The following ATOH8 variants were observed in gnomAD, a reference collection of about 807,000 sequenced individuals.
ATOH8 encodes the protein atonal bHLH transcription factor 8, also known as transcription factor ATOH8.
A neutral mutation model predicts 21.2 loss-of-function variants in ATOH8; 9 were observed. The observed-to-expected ratio is 0.42, with a 90% CI of 0.26 to 0.74. The LOEUF is 0.74. Ranked by LOEUF, ATOH8 falls within the 30% of genes least tolerant of loss-of-function variation. ATOH8 has a pLI of 0.24. For missense variants in ATOH8, 524 were observed against 470.9 expected (o/e 1.11, Z -1.04); for synonymous variants, 253 against 224.0 (o/e 1.13, Z -1.16).
At chr2:85,784,527 G>A (rs990960579) in intron 2 of ATOH8, among the ~76,000 whole-genome samples, 1 of 151,928 alleles carries the variant, frequency 6.6e-6, no homozygotes, top group African/African-American at 2.4e-5. Context: ...AAATAACAGA[G>A]TGAGACCCTG....
intron 1 of ATOH8, among the ~76,000 whole-genome samples, chr2:85,758,795 A>G (rs1488651346): frequency 6.6e-6 from 1 of 152,208 alleles, no homozygotes; most frequent in African/African-American, 2.4e-5. Flanking sequence ...GCCTCATGTG[A>G]AGGCCATGTG....
At chr2:85,774,461 C>T (rs1460025365) in intron 2 of ATOH8, 1 of 985,356 alleles carries the variant, frequency 1.0e-6, no homozygotes, top group African/African-American at 1.7e-5. Flanking sequence ...CCATGGGAAA[C>T]AACAAACCTT....
At chr2:85,777,896 G>T (rs571622271) in intron 2 of ATOH8, among the ~76,000 whole-genome samples, 1 of 152,190 alleles carries the variant, frequency 6.6e-6, no homozygotes, top group African/African-American at 2.4e-5. Context: ...CACAAATACC[G>T]AAGGGCGGCT....
At position 85,754,551 on chromosome 2, in the gene ATOH8, T is replaced by C. The variant is rs2104487674; in HGVS notation, c.362T>C (p.Leu121Pro). 2 of 1,436,960 alleles carry C rather than the reference T, an allele frequency of 1.4e-6. No individual in the cohort carries two copies. Among genetic ancestry groups the C allele is most frequent in the South Asian group, 1.5e-5 (1 of 68,650 alleles). 89.0% of individuals were successfully genotyped at this position (1,436,960 alleles called of 1,614,324 possible). ...GCCCTAGGCGCAGTGGGGCCAGGAC[T>C]CCCCACGCCGCCGCCGCCGCCGCCT... ...CFALGAVGPG[L>P]PTPPPPPPPA... Residue 121 changes from leucine (L) to proline (P), a missense_variant, in exon 1 of 3, where the codon CTC (leucine) becomes CCC (proline). Transcript: ENST00000306279.
At chr2:85,755,943 T>C (rs1679681000) in intron 1 of ATOH8, among the ~76,000 whole-genome samples, 1 of 151,658 alleles carries the variant, frequency 6.6e-6, no homozygotes, top group Non-Finnish European at 1.5e-5. Context: ...TGACTTGCTG[T>C]GTGACTCCAG....
intron 2 of ATOH8, among the ~76,000 whole-genome samples, chr2:85,776,817 C>T (rs577653215): frequency 6.6e-6 from 1 of 152,252 alleles, no homozygotes; most frequent in East Asian, 1.9e-4. Flanking sequence ...GGGAGTGAGC[C>T]GTTTGGAGCC....
rs1680687433 is a variant in ATOH8 at position 85,788,625 on chromosome 2, A to G, written c.*1735A>G. ...AAAAATAGGAGAGCACTGTCAAGGC[A>G]GAAGGGACAGGGCTGGCCAAGGAAA... On this transcript the variant is annotated 3_prime_UTR_variant, in exon 3 of 3. Transcript: ENST00000306279. 6.6e-6 allele frequency among the ~76,000 whole-genome samples: 1 copy of G among 152,194 alleles called. No homozygotes were observed. The highest frequency in any genetic ancestry group is 6.5e-5 in the Admixed American group (1 of 15,282).
rs79634679 is a variant in ATOH8 at position 85,756,311 on chromosome 2, G to A, written c.768+1354G>A. ...AGTCCCACCCTGAGCCAGCAGCTCT[G>A]TGTCTGCATCGCTGGGTAGAGGTGG... On this transcript the variant is annotated intron_variant, in intron 1 of 2. Coordinates refer to ENST00000306279, the MANE Select transcript of ATOH8 (RefSeq NM_032827.7). Among the ~76,000 whole-genome samples, 1,462 of 152,276 alleles carry A rather than the reference G, an allele frequency of 9.6e-3. 29 individuals carry two copies. The highest frequency in any genetic ancestry group is 0.032 in the African/African-American group (1,338 of 41,548).
chr2:85,756,830 AC>A (rs200547531), intron 1 of ATOH8, among the ~76,000 whole-genome samples: 18 of 151,276 alleles, frequency 1.2e-4, no homozygotes, highest in South Asian at 4.2e-4. Context: ...GTCATGTGCC[AC>A]CCCCCCAGCC....
chr2:85,774,487 A>T, intron 2 of ATOH8: 6 of 985,452 alleles, frequency 6.1e-6, no homozygotes, highest in Non-Finnish European at 6.0e-6. Flanking sequence ...TGCTCCCAGG[A>T]TAAGTGTTTC....
At chr2:85,763,158 A>G (rs989553939) in intron 1 of ATOH8, among the ~76,000 whole-genome samples, 3 of 152,132 alleles carry the variant, frequency 2.0e-5, no homozygotes, top group Non-Finnish European at 2.9e-5. Context: ...TTGTGGAGCT[A>G]TTTCCAGGTT....
At chr2:85,778,368 C>T (rs1431718267) in intron 2 of ATOH8, among the ~76,000 whole-genome samples, 1 of 152,146 alleles carries the variant, frequency 6.6e-6, no homozygotes, top group African/African-American at 2.4e-5. Flanking sequence ...ATGTCCCTAC[C>T]CCCACCTGGA....
chr2:85,790,574 G>T lies in ATOH8; in HGVS notation c.*3684G>T, dbSNP rs2104545708. 6.6e-6 allele frequency among the ~76,000 whole-genome samples: 1 copy of T among 152,282 alleles called. No individual in the cohort carries two copies. The highest frequency in any genetic ancestry group is 2.4e-5 in the African/African-American group (1 of 41,556). On this transcript the variant is annotated 3_prime_UTR_variant, in exon 3 of 3. Transcript: ENST00000306279. The stretch of plus-strand genomic sequence containing the variant: ...TGTCTCCATGGCCACATCCTTCAAG[G>T]CTCTGTGCTGTTCTCTTTTTTTCTG...
intron 1 of ATOH8, among the ~76,000 whole-genome samples, 158 bp downstream of exon 1, chr2:85,755,115 G>A (rs1303756560): frequency 6.6e-6 from 1 of 152,234 alleles, no homozygotes; most frequent in Non-Finnish European, 1.5e-5. Flanking sequence ...CCTAGGGTAT[G>A]GATCATAGTT....
In ATOH8 at chr2:85,754,473, A is replaced by T; in HGVS notation, c.284A>T (p.Glu95Val). 6.8e-7 allele frequency: 1 copy of T among 1,464,588 alleles called. No individual in the cohort carries two copies. Among genetic ancestry groups the T allele is most frequent in the South Asian group, 1.4e-5 (1 of 70,598 alleles). The allele number at this position is 1,464,588 out of a possible 1,614,324, so 90.7% of individuals were successfully genotyped here. Residue 95 changes from glutamate to valine, a missense_variant, in exon 1 of 3, where the codon GAG becomes GTG. Glu to Val is a moderately radical substitution (Grantham distance 121). Transcript: ENST00000306279. The part of the protein sequence containing the change: ...PPRGGTDTAG[E>V]RGGSRAPEVS... ...AGAGGGGGCACGGACACAGCCGGGG[A>T]GCGCGGGGGCTCTCGGGCGCCCGAG...
At chr2:85,762,820 G>A (rs1236348924) in intron 1 of ATOH8, among the ~76,000 whole-genome samples, 4 of 152,110 alleles carry the variant, frequency 2.6e-5, no homozygotes, top group Non-Finnish European at 5.9e-5. Flanking sequence ...CCTGTGCTCT[G>A]TAGGATGTTT....
chr2:85,754,423 C>T lies in ATOH8; in HGVS notation c.234C>T (p.Val78=). ...TCCCGGTACCGGTGCCGGTGCCAGT[C>T]CCAGTGGCGCCGGCCGTTCCCCCAA... The part of the protein sequence containing the change: ...QPVPVPVPVP[V]PVAPAVPPRG... The change falls in exon 1 of 3, where the codon GTC becomes GTT. Residue 78 remains valine, a synonymous_variant. Transcript: ENST00000306279. The T allele has an allele frequency of 6.5e-7, 1 of 1,539,270 alleles. No homozygotes were observed.
At chr2:85,762,806 G>A (rs1679901830) in intron 1 of ATOH8, among the ~76,000 whole-genome samples, 1 of 152,080 alleles carries the variant, frequency 6.6e-6, no homozygotes, top group South Asian at 2.1e-4. Context: ...GGGCACTGTA[G>A]GATCCTGTGC....
At chr2:85,775,728 C>G (rs781725346) in intron 2 of ATOH8, among the ~76,000 whole-genome samples, 5 of 152,214 alleles carry the variant, frequency 3.3e-5, no homozygotes, top group Non-Finnish European at 7.3e-5. Context: ...CTCCCTTCCT[C>G]CAAAGGAAGA....
Sources: gnomAD v4.1 joint callset for allele counts (sites outside exome capture counted in the v4.1 genomes callset) on GRCh38, gnomAD v4.1.1 for gene constraint, MANE v1.5 for transcripts, NCBI Gene and HGNC (gene_info 2026-07-23, HGNC 2026-07-21) for gene names.